HDAC10: variants seen among roughly 807,000 people sequenced by gnomAD.
HDAC10 encodes the protein histone deacetylase 10, also known as polyamine deacetylase HDAC10.
A neutral mutation model predicts 82.3 loss-of-function variants in HDAC10; 90 were observed. The observed-to-expected ratio is 1.09, with a 90% CI of 0.92 to 1.30. HDAC10 has a LOEUF of 1.30. HDAC10 is among the 50% of genes most tolerant of loss of function. The probability of loss-of-function intolerance (pLI) is 0.00; values close to 1 mark genes in which losing one functional copy is unlikely to be tolerated. For missense variants in HDAC10, 934 were observed against 876.3 expected (o/e 1.07, Z -0.83); for synonymous variants, 456 against 391.7 (o/e 1.16, Z -1.94).
In HDAC10 at chr22:50,248,127, A is replaced by G. The variant is rs771345093; in HGVS notation, c.1100T>C (p.Met367Thr). 4.2e-5 allele frequency: 67 copies of G among 1,585,830 alleles called. No individual in the cohort carries two copies. The highest frequency in any genetic ancestry group is 5.4e-5 in the Non-Finnish European group (63 of 1,164,372). ...CTCTGGGGAGTGGCTGCTGGGGCTC[A>G]TCGGCACAGCGGTCACATCTAGGGA... is the stretch of plus-strand genomic sequence containing the variant. ...LQQQDVTAVPMSPSSHSPEGR... is the reference protein window; with the variant it reads ...LQQQDVTAVPTSPSSHSPEGR... The change falls in exon 13 of 20, where the codon ATG becomes ACG. Residue 367 changes from methionine to threonine, a missense_variant. By Grantham distance (81) the Met-to-Thr change is moderately conservative. Transcript: ENST00000216271. This position sits in a 1 kb window ranked among gnomAD's most constrained non-coding sequence, Gnocchi z 5.4.
rs748326060 is a variant in HDAC10 at position 50,248,744 on chromosome 22, A to G, written c.824T>C (p.Met275Thr). Residue 275 changes from methionine to threonine, a missense_variant, in exon 10 of 20, where the codon ATG becomes ACG. Met to Thr is a moderately conservative substitution (Grantham distance 81). Transcript: ENST00000216271. The surrounding 1 kb of genome is among the most constrained non-coding windows in gnomAD (Gnocchi z 5.4). ...DSAIGDPEGQMQATPECFAHL... is the reference protein window; with the variant it reads ...DSAIGDPEGQTQATPECFAHL... Reference sequence around the variant, plus strand: ...GGCGAAGCACTCTGGCGTGGCCTGCATTTGCCCCTGGAACCAGAGCCATGT... The same window carrying G: ...GGCGAAGCACTCTGGCGTGGCCTGCGTTTGCCCCTGGAACCAGAGCCATGT... 1.3e-6 allele frequency: 2 copies of G among 1,582,798 alleles called. No individual in the cohort carries two copies. The highest frequency in any genetic ancestry group is 1.1e-5 in the South Asian group (1 of 87,210).
Position 50,248,612 on chromosome 22 carries a change from C to A in HDAC10, c.906+50G>T, listed in dbSNP as rs1420837364. 2 of 1,474,122 alleles carry A rather than the reference C, an allele frequency of 1.4e-6. No homozygotes were observed. The highest frequency in any genetic ancestry group is 2.7e-5 in the South Asian group (2 of 74,266). The allele number at this position is 1,474,122 out of a possible 1,614,324, so 91.3% of individuals were successfully genotyped here. A position where few individuals can be genotyped will look rare whatever the true frequency, so the allele number is the denominator to read the frequency against. On this transcript the variant is annotated intron_variant, in intron 10 of 19. Coordinates refer to ENST00000216271, the MANE Select transcript of HDAC10 (RefSeq NM_032019.6). This position sits in a 1 kb window ranked among gnomAD's most constrained non-coding sequence, Gnocchi z 5.4. ...GGGCACCTGGCTCCCATGCTCCTGA[C>A]CCCCAGGCCTCTGGCCCAGAGACCC...
Position 50,245,754 on chromosome 22 carries a change from G to A in HDAC10, c.1907C>T (p.Ser636Phe). 1.2e-6 allele frequency: 2 copies of A among 1,611,230 alleles called. No homozygotes were observed. The highest frequency in any genetic ancestry group is 2.2e-5 in the East Asian group (1 of 44,732). ...GACGTCCTCTGGGGAGGCCACAGAG[G>A]AAGGGCCTAGGCTAGGAGGTGCCTC... ...NGEAPPSLGP[S>F]SVASPEDVQA... is the part of the protein sequence containing the mutation. Residue 636 changes from serine (S) to phenylalanine (F), a missense_variant, in exon 19 of 20, where the codon TCC becomes TTC. Ser to Phe is a radical substitution (Grantham distance 155). Coordinates refer to ENST00000216271, the MANE Select transcript of HDAC10 (RefSeq NM_032019.6).
Position 50,247,119 on chromosome 22 carries a change from A to G in HDAC10, c.1423-153T>C, listed in dbSNP as rs2064971164. Reference sequence around the variant, plus strand: ...GGTCAATCACTCCATTTCTGTAAATAAGATGCTTACGTCTATAATTTTTTT... The same window carrying G: ...GGTCAATCACTCCATTTCTGTAAATGAGATGCTTACGTCTATAATTTTTTT... On this transcript the variant is annotated intron_variant, in intron 14 of 19. Coordinates refer to ENST00000216271, the MANE Select transcript of HDAC10 (RefSeq NM_032019.6). 4 of 513,456 alleles carry G rather than the reference A, an allele frequency of 7.8e-6. 1 individual carries two copies. In the South Asian group the frequency reaches 1.2e-4, roughly 16 times the overall value. 31.8% of individuals were successfully genotyped at this position (513,456 alleles called of 1,614,324 possible).
chr22:50,246,684 A>C lies in HDAC10; in HGVS notation c.1566T>G (p.His522Gln). ...GQLDRPPDLA[H>Q]DGRSLWLNIR... ...GCAAGACCTGAGAGTCCTACCCGTC[A>C]TGGGCGAGGTCTGGAGGCCGGTCCA... is the stretch of plus-strand genomic sequence containing the variant. Residue 522 changes from histidine to glutamine, a missense_variant, in exon 16 of 20, where the codon CAT (histidine) becomes CAG (glutamine). Physicochemically the swap from His to Gln is conservative, Grantham distance 24. Coordinates refer to ENST00000216271, the MANE Select transcript of HDAC10 (RefSeq NM_032019.6). 1.2e-6 allele frequency: 2 copies of C among 1,611,512 alleles called. No individual in the cohort carries two copies. The highest frequency in any genetic ancestry group is 1.7e-6 in the Non-Finnish European group (2 of 1,179,818).
chr22:50,249,810 C>T lies in HDAC10; in HGVS notation c.494+50G>A, dbSNP rs774093695. Reference sequence around the variant, plus strand: ...GGGTTCTCTCGCCTCCTGCGCTGCCCCTTGCTGTGTGGCCTGGGCCCACCC... The same window carrying T: ...GGGTTCTCTCGCCTCCTGCGCTGCCTCTTGCTGTGTGGCCTGGGCCCACCC... On this transcript the variant is annotated intron_variant, in intron 5 of 19. Coordinates refer to ENST00000216271, the MANE Select transcript of HDAC10 (RefSeq NM_032019.6). This position sits in a 1 kb window ranked among gnomAD's most constrained non-coding sequence, Gnocchi z 4.4. 5 of 1,603,488 alleles carry T rather than the reference C, an allele frequency of 3.1e-6. No individual in the cohort carries two copies. The South Asian group carries it at 5.5e-5, about 18-fold the overall frequency.
intron 14 of HDAC10, 120 bp from the exon 15 acceptor site, chr22:50,247,086 T>A (rs2064970356): frequency 1.7e-6 from 1 of 594,376 alleles, no homozygotes; most frequent in Admixed American, 3.3e-5. Flanking sequence ...CACATCTTCT[T>A]ACACTAAGGT....
Position 50,248,988 on chromosome 22 carries a change from C to T in HDAC10, c.757-98G>A. 6.8e-7 allele frequency: 1 copy of T among 1,463,826 alleles called. No individual in the cohort carries two copies. Among genetic ancestry groups the T allele is most frequent in the Non-Finnish European group, 9.4e-7 (1 of 1,063,978 alleles). 90.7% of individuals were successfully genotyped at this position (1,463,826 alleles called of 1,614,324 possible). On this transcript the variant is annotated intron_variant, in intron 8 of 19. Transcript: ENST00000216271. This position sits in a 1 kb window ranked among gnomAD's most constrained non-coding sequence, Gnocchi z 5.4. ...TCCCATCCCCTCCTGAGCACCTTCC[C>T]CAGCCACACAGGAGTGGGACAGCTC...
In HDAC10 at chr22:50,245,976, GT is replaced by G. The variant is rs1569132841; in HGVS notation, c.1766del (p.His589ProfsTer29). The G allele has an allele frequency of 6.2e-7, 1 of 1,609,256 alleles. No homozygotes were observed. The highest frequency in any genetic ancestry group is 1.1e-5 in the South Asian group (1 of 90,486). On this transcript the variant is annotated frameshift_variant, in exon 18 of 20. Transcript: ENST00000216271. LOFTEE classifies it high-confidence loss of function. Reference sequence around the variant, plus strand: ...GAAGCATTGCAGCCAGGAGTGCAGCGTGGGGGCCCTGCAGGCCATGGCCAGG... The same window carrying G: ...GAAGCATTGCAGCCAGGAGTGCAGCGGGGGGCCCTGCAGGCCATGGCCAGG... ...LGPGHGLQGP[H>X]AALLAAMLRG... is the part of the protein sequence containing the mutation.
chr22:50,249,440 G>A lies in HDAC10; in HGVS notation c.578C>T (p.Ser193Phe). 4 of 1,612,684 alleles carry A rather than the reference G, an allele frequency of 2.5e-6. No homozygotes were observed. The highest frequency in any genetic ancestry group is 1.3e-5 in the African/African-American group (1 of 75,024). ...FEDDPSVLYF[S>F]WHRYEHGRFW... ...GCGCCCATGCTCATAGCGGTGCCAGGAGAAGTAAAGGACGCTGCCAACAGC... is the reference window on the plus strand; with the variant it reads ...GCGCCCATGCTCATAGCGGTGCCAGAAGAAGTAAAGGACGCTGCCAACAGC... Residue 193 changes from serine to phenylalanine, a missense_variant, in exon 7 of 20, where the codon TCC becomes TTC. Coordinates refer to ENST00000216271, the MANE Select transcript of HDAC10 (RefSeq NM_032019.6). The surrounding 1 kb of genome is among the most constrained non-coding windows in gnomAD (Gnocchi z 4.4).
chr22:50,246,370 ACTC>A lies in HDAC10; in HGVS notation c.1575_1577del (p.Arg525del). The A allele has an allele frequency of 6.2e-7, 1 of 1,611,594 alleles. No homozygotes were observed. The highest frequency in any genetic ancestry group is 8.5e-7 in the Non-Finnish European group (1 of 1,179,564). On this transcript the variant is annotated inframe_deletion, in exon 17 of 20. Coordinates refer to ENST00000216271, the MANE Select transcript of HDAC10 (RefSeq NM_032019.6). ...CCTTGCCCCTGATGTTCAGCCACAGACTCCTCCTTCCAGGACACAGGTGCATAA... is the reference window on the plus strand; with the variant it reads ...CCTTGCCCCTGATGTTCAGCCACAGACTCCTTCCAGGACACAGGTGCATAA...
In HDAC10 at chr22:50,248,074, C is replaced by T; in HGVS notation, c.1153G>A (p.Gly385Ser). 1 of 1,602,640 alleles carries T rather than the reference C, an allele frequency of 6.2e-7. No individual in the cohort carries two copies. The highest frequency in any genetic ancestry group is 8.5e-7 in the Non-Finnish European group (1 of 1,173,332). Residue 385 changes from glycine (G) to serine (S), a missense_variant, in exon 13 of 20, where the codon GGT becomes AGT. Gly to Ser is a moderately conservative substitution (Grantham distance 56). Transcript: ENST00000216271. This position sits in a 1 kb window ranked among gnomAD's most constrained non-coding sequence, Gnocchi z 5.4. ...EGRPPPLLPG[G>S]PVCKAAASAP... The stretch of plus-strand genomic sequence containing the variant: ...GATGCAGCTGCCTTACACACTGGAC[C>T]CCCAGGCAGCAGAGGTGGAGGCCTC...
rs2065079118 is a variant in HDAC10 at position 50,251,015 on chromosome 22, C to G, written c.18G>C (p.Val6=). The G allele has an allele frequency of 6.2e-7, 1 of 1,612,032 alleles. No homozygotes were observed. The highest frequency in any genetic ancestry group is 8.5e-7 in the Non-Finnish European group (1 of 1,179,414). Residue 6 remains valine, a synonymous_variant, in exon 1 of 20, where the codon GTG becomes GTC. Coordinates refer to ENST00000216271, the MANE Select transcript of HDAC10 (RefSeq NM_032019.6). MGTAL[V]YHEDMTATRL... ...GGGTGGCCGTCATGTCCTCATGGTACACAAGCGCGGTCCCCATGGCTGCGC... is the reference window on the plus strand; with the variant it reads ...GGGTGGCCGTCATGTCCTCATGGTAGACAAGCGCGGTCCCCATGGCTGCGC...
At chr22:50,250,728 T>C in intron 2 of HDAC10, 43 bp downstream of exon 2, 1 of 1,516,676 alleles carries the variant, frequency 6.6e-7, no homozygotes, top group South Asian at 1.3e-5. Context: ...CTAGCTGGGC[T>C]GCCCGCCCCG....
Position 50,248,291 on chromosome 22 carries a change from C to T in HDAC10, c.1015G>A (p.Ala339Thr), listed in dbSNP as rs2147237175. 1 of 1,612,436 alleles carries T rather than the reference C, an allele frequency of 6.2e-7. No individual in the cohort carries two copies. Among genetic ancestry groups the T allele is most frequent in the African/African-American group, 1.3e-5 (1 of 75,006 alleles). The change falls in exon 12 of 20, where the codon GCC becomes ACC. Residue 339 changes from alanine (A) to threonine (T), a missense_variant and splice_region_variant. Ala to Thr is a moderately conservative substitution (Grantham distance 58). Coordinates refer to ENST00000216271, the MANE Select transcript of HDAC10 (RefSeq NM_032019.6). The surrounding 1 kb of genome is among the most constrained non-coding windows in gnomAD (Gnocchi z 5.4). ...CGGGCACTCTGGATGGACTCTAGGGCACTGTGAGGGAGACACAACAGTCGT... is the reference window on the plus strand; with the variant it reads ...CGGGCACTCTGGATGGACTCTAGGGTACTGTGAGGGAGACACAACAGTCGT... ...LSGPMAPCQSALESIQSARAA... is the reference protein window; with the variant it reads ...LSGPMAPCQSTLESIQSARAA...
intron 14 of HDAC10, chr22:50,247,261 C>T (rs2064977174): frequency 5.7e-6 from 2 of 350,000 alleles, no homozygotes; most frequent in African/African-American, 4.2e-5. Context: ...GCCTCAGCCT[C>T]CTAAGTAACT....
rs939294357 is a variant in HDAC10, at chr22:50,250,836, C to T, written c.129G>A (p.Leu43=). Residue 43 remains leucine, a synonymous_variant, in exon 2 of 20, where the codon CTG becomes CTA. Transcript: ENST00000216271. The stretch of plus-strand genomic sequence containing the variant: ...CTGACAACCGCAGACACCTCTGTTC[C>T]AGGCCGCGCTGCCGCAGGCGATCCA... The part of the protein sequence containing the change: ...AALDRLRQRG[L]EQRCLRLSAR... 4 of 1,603,052 alleles carry T rather than the reference C, an allele frequency of 2.5e-6. No homozygotes were observed. The highest frequency in any genetic ancestry group is 1.3e-5 in the African/African-American group (1 of 74,686).
chr22:50,250,988 C>T lies in HDAC10; in HGVS notation c.45G>A (p.Arg15=). 1 of 1,612,588 alleles carries T rather than the reference C, an allele frequency of 6.2e-7. No homozygotes were observed. Among genetic ancestry groups the T allele is most frequent in the South Asian group, 1.1e-5 (1 of 91,070 alleles). ...LVYHEDMTAT[R]LLWDDPECEI... is the part of the protein sequence containing the mutation. ...GTCCCACTTACTCGTCCCAGAGCAG[C>T]CGGGTGGCCGTCATGTCCTCATGGT... The change falls in exon 1 of 20, where the codon CGG becomes CGA. Residue 15 remains arginine (R), a synonymous_variant. Transcript: ENST00000216271.
At position 50,251,139 on chromosome 22, in the gene HDAC10, G is replaced by GGGGCGCAGGCGGGCGGC; in HGVS notation, c.-124_-108dup. ...GCAGCCGGAGGCCTGGGACCTGCCT[G>GGGGCGCAGGCGGGCGGC]GGGCGCAGGCGGGCGGCGGGCACCG... On this transcript the variant is annotated 5_prime_UTR_variant, in exon 1 of 20. Coordinates refer to ENST00000216271, the MANE Select transcript of HDAC10 (RefSeq NM_032019.6). 1 of 1,235,102 alleles carries GGGGCGCAGGCGGGCGGC rather than the reference G, an allele frequency of 8.1e-7. No individual in the cohort carries two copies. Among genetic ancestry groups the GGGGCGCAGGCGGGCGGC allele is most frequent in the Non-Finnish European group, 1.1e-6 (1 of 886,042 alleles). 76.5% of individuals were successfully genotyped at this position (1,235,102 alleles called of 1,614,324 possible).
Sources: allele counts gnomAD v4.1 joint callset, GRCh38; gene constraint gnomAD v4.1.1; non-coding constraint Gnocchi (gnomAD v3.1); transcripts MANE v1.5; gene names NCBI Gene and HGNC (gene_info 2026-07-23, HGNC 2026-07-21).